The following NFIB variants were observed in gnomAD, a reference collection of about 807,000 sequenced individuals.
The protein encoded by NFIB is nuclear factor 1 B-type.
A neutral mutation model predicts 61.5 loss-of-function variants in NFIB; 11 were observed. The observed-to-expected ratio is 0.18, with a 90% CI of 0.11 to 0.30. NFIB has a LOEUF of 0.30. Ranked by LOEUF, NFIB falls within the 10% of genes least tolerant of loss-of-function variation. The pLI, the probability that NFIB is intolerant of heterozygous loss-of-function variation, is 1.00. For synonymous variants in NFIB, 260 were observed against 216.5 expected (o/e 1.20, Z -1.76); for missense variants, 471 against 608.9 (o/e 0.77, Z 2.38).
chr9:14,186,325 T>C, intron 2 of NFIB, among the ~76,000 whole-genome samples: 1 of 152,214 alleles, frequency 6.6e-6, no homozygotes, highest in Non-Finnish European at 1.5e-5. Flanking sequence ...CATAGTTCTT[T>C]GCCTTAAGCA....
chr9:14,322,720 C>G (rs1318237460), intron 1 of NFIB, among the ~76,000 whole-genome samples: 1 of 151,860 alleles, frequency 6.6e-6, no homozygotes, highest in African/African-American at 2.4e-5. Flanking sequence ...GCCCGGGACC[C>G]GGGAGGCGGG....
chr9:14,463,659 C>CTTTTT, the NFIB span, among the ~76,000 whole-genome samples: 3 of 65,822 alleles, frequency 4.6e-5, no homozygotes, highest in Admixed American at 2.3e-4. Flanking sequence ...ATTTGATTTT[C>CTTTTT]TTTTTTTTTT....
upstream of NFIB, chr9:14,314,477 C>G (rs2060446437): frequency 6.6e-6 from 1 of 152,266 alleles, no homozygotes; most frequent in Non-Finnish European, 1.5e-5. Flanking sequence ...AAACTCCTCT[C>G]TTTTCTGCTC....
chr9:14,155,749 C>G lies in NFIB; in HGVS notation c.685+76G>C, dbSNP rs151263769. ...TCCTAATATGTGGTCACTCTTTATA[C>G]TACATTTAAGGTTCAAAATATAAAG... On this transcript the variant is annotated intron_variant, in intron 4 of 10. Coordinates refer to ENST00000380953, the MANE Select transcript of NFIB (RefSeq NM_001190737.2). The G allele has an allele frequency of 2.4e-3, 2,104 of 869,222 alleles. 52 individuals are homozygous for G. The East Asian group carries it at 0.05, about 21-fold the overall frequency. 53.8% of individuals were successfully genotyped at this position (869,222 alleles called of 1,614,324 possible).
chr9:14,440,020 T>A, the NFIB span, among the ~76,000 whole-genome samples: 8 of 152,310 alleles, frequency 5.3e-5, no homozygotes, highest in African/African-American at 1.9e-4. Flanking sequence ...AAGTCCTTCC[T>A]CAAAGCCCTC....
chr9:14,147,751 C>T (rs968401866), intron 5 of NFIB, among the ~76,000 whole-genome samples: 3 of 149,874 alleles, frequency 2.0e-5, no homozygotes, highest in African/African-American at 4.9e-5. Context: ...AAACAATCCT[C>T]CCACCTCAGC....
At chr9:14,151,961 C>A (rs4237133) in intron 4 of NFIB, among the ~76,000 whole-genome samples, 4 of 151,748 alleles carry the variant, frequency 2.6e-5, no homozygotes, top group African/African-American at 4.8e-5. Flanking sequence ...GTTTTCTTAC[C>A]CCTCATTTTT....
intron 2 of NFIB, among the ~76,000 whole-genome samples, chr9:14,269,621 G>A (rs2057455759): frequency 6.6e-6 from 1 of 152,134 alleles, no homozygotes; most frequent in Non-Finnish European, 1.5e-5. Flanking sequence ...TGAACCTAAT[G>A]TTACACGTGA....
chr9:14,298,335 CAAT>C (rs554164158), intron 2 of NFIB, among the ~76,000 whole-genome samples: 346 of 152,076 alleles, frequency 2.3e-3, no homozygotes, highest in Middle Eastern at 0.017. Context: ...CATATTATGA[CAAT>C]AAAATATTTT....
chr9:14,438,071 A>C, the NFIB span, among the ~76,000 whole-genome samples: 1 of 148,038 alleles, frequency 6.8e-6, no homozygotes, highest in Non-Finnish European at 1.5e-5. Context: ...TGTGTGTGTG[A>C]GATGGAGAGA....
Position 14,120,494 on chromosome 9 carries a change from A to G in NFIB, c.1191T>C (p.Asp397=). 1 of 1,614,140 alleles carries G rather than the reference A, an allele frequency of 6.2e-7. No homozygotes were observed. The highest frequency in any genetic ancestry group is 1.6e-4 in the Middle Eastern group (1 of 6,062). Reference sequence around the variant, plus strand: ...AAGAAGGTACATAGTTCTTCAGAGTATCCTGAGGATTCAGGTGGGGAGGAT... The same window carrying G: ...AAGAAGGTACATAGTTCTTCAGAGTGTCCTGAGGATTCAGGTGGGGAGGAT... ...IRYPPHLNPQ[D]TLKNYVPSYD... is the part of the protein sequence containing the mutation. Residue 397 remains aspartate, a synonymous_variant, in exon 8 of 11, where the codon GAT becomes GAC. Transcript: ENST00000380953. This position sits in a 1 kb window ranked among gnomAD's most constrained non-coding sequence, Gnocchi z 4.4.
chr9:14,156,550 C>T (rs1345937682), intron 3 of NFIB, among the ~76,000 whole-genome samples: 1 of 152,196 alleles, frequency 6.6e-6, no homozygotes. Flanking sequence ...AATTAGACAA[C>T]TTTTCTGGCA....
chr9:14,392,451 G>A (rs56397956), intron 1 of NFIB, among the ~76,000 whole-genome samples: 3 of 152,182 alleles, frequency 2.0e-5, no homozygotes, highest in African/African-American at 4.8e-5. Context: ...TTATAGACTG[G>A]GCACAGTGGC....
intron 2 of NFIB, among the ~76,000 whole-genome samples, chr9:14,271,047 T>A (rs2057573326): frequency 1.3e-5 from 2 of 152,026 alleles, no homozygotes; most frequent in Admixed American, 1.3e-4. Flanking sequence ...CACGTATGCA[T>A]GTTTTAAGAG....
chr9:14,407,269 G>A, the NFIB span, among the ~76,000 whole-genome samples: 1 of 152,258 alleles, frequency 6.6e-6, no homozygotes, highest in South Asian at 2.1e-4. Flanking sequence ...TTAACTGGAA[G>A]AGCCAGTTTA....
rs149764430 is a variant in NFIB at position 14,231,410 on chromosome 9, G to A, written c.563-51630C>T. On this transcript the variant is annotated intron_variant, in intron 2 of 10. Transcript: ENST00000380953. The stretch of plus-strand genomic sequence containing the variant: ...ATTACACACTTCACTGTTCAAGGGT[G>A]ACAGAGGGAAAACGAGGCTGGCACC... 1.1e-4 allele frequency among the ~76,000 whole-genome samples: 16 copies of A among 152,000 alleles called. No individual in the cohort carries two copies. In the East Asian group the frequency reaches 2.9e-3, roughly 28 times the overall value.
the NFIB span, among the ~76,000 whole-genome samples, chr9:14,413,910 A>G: frequency 6.6e-6 from 1 of 152,218 alleles, no homozygotes; most frequent in East Asian, 1.9e-4. Context: ...AAATAGAAAC[A>G]ACATGCAAAT....
At chr9:14,236,986 C>T (rs544549316) in intron 2 of NFIB, among the ~76,000 whole-genome samples, 1 of 152,100 alleles carries the variant, frequency 6.6e-6, no homozygotes, top group South Asian at 2.1e-4. Context: ...TTCTTCTTCC[C>T]CTAACACCAG....
intron 2 of NFIB, among the ~76,000 whole-genome samples, chr9:14,186,652 G>A (rs2047363592): frequency 6.6e-6 from 1 of 151,870 alleles, no homozygotes; most frequent in Non-Finnish European, 1.5e-5. Context: ...CCCTCTCTCT[G>A]CCCAAAGTTT....
Sources: allele counts gnomAD v4.1 joint callset (sites outside exome capture counted in the v4.1 genomes callset), GRCh38; gene constraint gnomAD v4.1.1; non-coding constraint Gnocchi (gnomAD v3.1); transcripts MANE v1.5; gene names NCBI Gene and HGNC (gene_info 2026-07-23, HGNC 2026-07-21).